Variants in CCDC144A observed in about 807,000 individuals in gnomAD.
CCDC144A encodes coiled-coil domain containing 144A, also known as coiled-coil domain-containing protein 144A.
CCDC144A carries 41 observed loss-of-function variants against 143.8 expected under a neutral mutation model. That is an observed-to-expected ratio of 0.29 (90% CI 0.22 to 0.37). CCDC144A has a LOEUF of 0.37. Among genes scored for constraint, CCDC144A ranks in the 10% least tolerant of loss-of-function variants. The probability of loss-of-function intolerance (pLI) is 1.00; values close to 1 mark genes in which losing one functional copy is unlikely to be tolerated. For missense variants in CCDC144A, 637 were observed against 1,488.8 expected, an observed-to-expected ratio of 0.43 and a Z score of 9.41; for synonymous variants, 242 against 517.9, an observed-to-expected ratio of 0.47 and a Z score of 7.23.
At position 16,753,753 on chromosome 17, in the gene CCDC144A, CCCCTTTATTTCTCTGA is replaced by C. The variant is rs555672946; in HGVS notation, c.3373-7670_3373-7655del. Among the ~76,000 whole-genome samples the C allele has an allele frequency of 6.6e-3, 1,009 of 152,160 alleles. 11 individuals are homozygous for C. Among genetic ancestry groups the C allele is most frequent in the African/African-American group, 0.023 (961 of 41,442 alleles). ...TGACTTTCTGTTTTCCAATCTGGAT[CCCCTTTATTTCTCTGA>C]CAATTTTTGTATCTGCATCCTTCAG... On this transcript the variant is annotated intron_variant, in intron 12 of 16. Coordinates refer to ENST00000399273, the MANE Select transcript of CCDC144A (RefSeq NM_001382000.1).
the CCDC144A span, among the ~76,000 whole-genome samples, chr17:16,677,223 C>T: frequency 6.6e-6 from 1 of 152,240 alleles, no homozygotes; most frequent in Admixed American, 6.5e-5. Flanking sequence ...CCCTCCCTCA[C>T]CAATTCTCCT....
At chr17:16,680,508 A>G in the CCDC144A span, among the ~76,000 whole-genome samples, 16,786 of 151,656 alleles carry the variant, frequency 0.11, 1,217 homozygotes, top group South Asian at 0.3. Context: ...TGTTAACACC[A>G]CTGCACTCCA....
intron 15 of CCDC144A, among the ~76,000 whole-genome samples, chr17:16,771,587 T>C (rs1915825018): frequency 6.6e-6 from 1 of 152,274 alleles, no homozygotes; most frequent in Non-Finnish European, 1.5e-5. Flanking sequence ...AAGGAACTAT[T>C]CATTAAAGTG....
intron 15 of CCDC144A, among the ~76,000 whole-genome samples, chr17:16,770,717 T>C (rs1915794493): frequency 6.6e-6 from 1 of 152,052 alleles, no homozygotes; most frequent in African/African-American, 2.4e-5. Flanking sequence ...TAAAACCACA[T>C]TATAGAAAAC....
chr17:16,693,304 A>G (rs1036000903), intron 2 of CCDC144A, among the ~76,000 whole-genome samples: 1 of 151,392 alleles, frequency 6.6e-6, no homozygotes, highest in African/African-American at 2.4e-5. Flanking sequence ...TTTTGTATAA[A>G]TAAGAAAAAG....
intron 12 of CCDC144A, chr17:16,737,387 C>T (rs1464604527): frequency 1.3e-5 from 10 of 770,446 alleles, no homozygotes; most frequent in Non-Finnish European, 1.8e-5. Flanking sequence ...GGGATGGTCT[C>T]GATCTCCTGA....
At chr17:16,678,751 GTT>G in the CCDC144A span, among the ~76,000 whole-genome samples, 22 of 78,078 alleles carry the variant, frequency 2.8e-4, no homozygotes, top group Admixed American at 1.1e-3. Flanking sequence ...TGGCTAATTT[GTT>G]TTTTTTTTTT....
In CCDC144A at chr17:16,690,733, T is replaced by C; in HGVS notation, c.333T>C (p.Asp111=). 2 of 1,604,476 alleles carry C rather than the reference T, an allele frequency of 1.2e-6. No individual in the cohort carries two copies. Among genetic ancestry groups the C allele is most frequent in the Non-Finnish European group, 1.7e-6 (2 of 1,172,716 alleles). Residue 111 remains aspartate (D), a synonymous_variant, in exon 1 of 17, where the codon GAT becomes GAC. Transcript: ENST00000399273. ...GAGACACTGGCGTGGACAAGAGGGA[T>C]AGGAAGAAGAGGTAATGGCCAGGCG... is the stretch of plus-strand genomic sequence containing the variant. ...APGDTGVDKR[D]RKKSIQQLVP...
rs1295330191 is a variant in CCDC144A, at chr17:16,708,998, G to T, written c.941G>T (p.Cys314Phe). 6.2e-7 allele frequency: 1 copy of T among 1,611,554 alleles called. No homozygotes were observed. The highest frequency in any genetic ancestry group is 1.7e-5 in the Admixed American group (1 of 59,986). Reference protein sequence around the residue: ...EIYEKYKIPACPEEEPLLDNS... With the variant: ...EIYEKYKIPAFPEEEPLLDNS... ...TATGAAAAATACAAAATTCCGGCTT[G>T]TCCTGAGGAAGAGCCACTACTTGAT... The change falls in exon 5 of 17, where the codon TGT becomes TTT. Residue 314 changes from cysteine to phenylalanine, a missense_variant. Coordinates refer to ENST00000399273, the MANE Select transcript of CCDC144A (RefSeq NM_001382000.1).
chr17:16,767,045 A>T (rs1326569998), intron 15 of CCDC144A: 5 of 152,730 alleles, frequency 3.3e-5, no homozygotes, highest in African/African-American at 1.2e-4. Context: ...CTGTAATCCC[A>T]GCACTTTGGG....
intron 2 of CCDC144A, among the ~76,000 whole-genome samples, chr17:16,704,180 G>A (rs1224672447): frequency 6.6e-6 from 1 of 152,150 alleles, no homozygotes; most frequent in Admixed American, 6.5e-5. Context: ...CAGGCCGGGC[G>A]CGGTGGCTCA....
chr17:16,684,792 T>C (rs1910722844), upstream of CCDC144A, among the ~76,000 whole-genome samples: 3 of 152,100 alleles, frequency 2.0e-5, no homozygotes. Context: ...GGTGAGACTC[T>C]GTTTCTAGAA....
At chr17:16,708,107 T>A (rs1434120922) in intron 4 of CCDC144A, among the ~76,000 whole-genome samples, 1 of 152,114 alleles carries the variant, frequency 6.6e-6, no homozygotes, top group African/African-American at 2.4e-5. Context: ...GTACAAACAA[T>A]AACTTTCTAA....
intron 12 of CCDC144A, chr17:16,746,271 C>CTTTTTT (rs141884494): frequency 1.9e-5 from 15 of 779,976 alleles, no homozygotes; most frequent in South Asian, 7.9e-5. Flanking sequence ...CTCTCTCTCT[C>CTTTTTT]TTTTTTTTTT....
intron 12 of CCDC144A, 80 bp from the exon 13 acceptor site, chr17:16,761,345 A>T (rs1597591653): frequency 6.7e-7 from 1 of 1,500,886 alleles, no homozygotes; most frequent in East Asian, 2.5e-5. Context: ...AAAAAAAAAA[A>T]AAAAAAATTA....
intron 12 of CCDC144A, among the ~76,000 whole-genome samples, chr17:16,758,939 G>T (rs1194604383): frequency 6.6e-6 from 1 of 152,178 alleles, no homozygotes; most frequent in Non-Finnish European, 1.5e-5. Context: ...TTCCTGTGAA[G>T]GAAGCACACT....
chr17:16,713,748 T>G (rs1341471706), intron 6 of CCDC144A, among the ~76,000 whole-genome samples: 4 of 152,168 alleles, frequency 2.6e-5, no homozygotes, highest in African/African-American at 9.7e-5. Context: ...TAGATATGAT[T>G]TAAAAAAACT....
rs556567827 is a variant in CCDC144A at position 16,709,147 on chromosome 17, C to T, written c.1090C>T (p.Gln364Ter). ...VSVVFETFPEQKEPSLKNIIH... is the reference protein window; with the variant it reads ...VSVVFETFPE ...AGTGGTATTCGAGACATTTCCTGAA[C>T]AAAAAGAACCCAGTCTCAAAAATAT... The change falls in exon 5 of 17, where the codon CAA becomes TAA. Residue 364 changes from glutamine (Q) to a stop codon, truncating the protein, a stop_gained. Coordinates refer to ENST00000399273, the MANE Select transcript of CCDC144A (RefSeq NM_001382000.1). LOFTEE classifies it high-confidence loss of function. 90 of 1,611,566 alleles carry T rather than the reference C, an allele frequency of 5.6e-5. No individual in the cohort carries two copies. The Middle Eastern group carries it at 9.0e-4, about 16-fold the overall frequency.
At chr17:16,705,092 G>A in intron 2 of CCDC144A, 59 bp from the exon 3 acceptor site, 1 of 894,296 alleles carries the variant, frequency 1.1e-6, no homozygotes, top group Non-Finnish European at 1.8e-6. Flanking sequence ...ATACAAGTTA[G>A]TCAAATTATT....
Sources: gnomAD v4.1 joint callset for allele counts (sites outside exome capture counted in the v4.1 genomes callset) on GRCh38, gnomAD v4.1.1 for gene constraint, MANE v1.5 for transcripts, NCBI Gene and HGNC (gene_info 2026-07-23, HGNC 2026-07-21) for gene names.